OPA1: variants seen among roughly 807,000 people sequenced by gnomAD.
The protein encoded by OPA1 is OPA1 mitochondrial dynamin like GTPase.
Under a neutral mutation model 152.9 loss-of-function variants are expected in OPA1, and 59 were observed. That is an observed-to-expected ratio of 0.39 (90% CI 0.31 to 0.48). The LOEUF (loss-of-function observed/expected upper bound fraction) is 0.48, where lower values mean the gene tolerates loss of function less well. Ranked by LOEUF, OPA1 falls within the 20% of genes least tolerant of loss-of-function variation. The pLI is 0.96. For synonymous variants in OPA1, 400 were observed against 389.9 expected (o/e 1.03, Z -0.31); for missense variants, 1,008 against 1,216.8 (o/e 0.83, Z 2.55).
At chr3:193,645,457 A>G in intron 16 of OPA1, 96 bp from the exon 17 acceptor site, 1 of 823,490 alleles carries the variant, frequency 1.2e-6, no homozygotes, top group East Asian at 2.7e-5. Context: ...AACTATATAC[A>G]TGTATAGCAT....
At chr3:193,612,091 C>G (rs539233785) in intron 1 of OPA1, among the ~76,000 whole-genome samples, 5 of 152,152 alleles carry the variant, frequency 3.3e-5, no homozygotes, top group African/African-American at 9.6e-5. Flanking sequence ...AGTCCTGGAT[C>G]GTAAGCTCCT....
At chr3:193,624,309 A>G (rs1357474203) in intron 6 of OPA1, 1 of 152,212 alleles carries the variant, frequency 6.6e-6, no homozygotes, top group Non-Finnish European at 1.5e-5. Context: ...TAAGAAAGAA[A>G]TGTGGAATAT....
chr3:193,692,292 A>G (rs948840717), intron 30 of OPA1, among the ~76,000 whole-genome samples, 160 bp downstream of exon 30: 9 of 152,240 alleles, frequency 5.9e-5, no homozygotes, highest in Admixed American at 4.6e-4. Context: ...TCATTTGTAT[A>G]ACGTTGCTTT....
At chr3:193,647,981 A>G (rs1734963217) in intron 19 of OPA1, 89 bp from the exon 20 acceptor site, 1 of 891,988 alleles carries the variant, frequency 1.1e-6, no homozygotes, top group Non-Finnish European at 1.9e-6. Context: ...AAATTCAGTT[A>G]ATACAGAGGA....
chr3:193,675,661 A>G (rs1023728814), intron 29 of OPA1, among the ~76,000 whole-genome samples: 1 of 152,240 alleles, frequency 6.6e-6, no homozygotes, highest in African/African-American at 2.4e-5. Context: ...TTAATTGAGC[A>G]GAATAGAGGC....
chr3:193,596,942 G>A (rs1380306141), intron 1 of OPA1: 5 of 152,312 alleles, frequency 3.3e-5, no homozygotes, highest in Admixed American at 6.5e-5. Context: ...AACTAAAGAC[G>A]ACTTGTGAGT....
chr3:193,615,216 G>T (rs1728833437), intron 2 of OPA1, among the ~76,000 whole-genome samples, 175 bp downstream of exon 2: 1 of 152,198 alleles, frequency 6.6e-6, no homozygotes, highest in African/African-American at 2.4e-5. Context: ...TAGAATCTTA[G>T]TTATAATTAC....
At chr3:193,677,239 A>G (rs1719300902) in intron 29 of OPA1, among the ~76,000 whole-genome samples, 1 of 149,928 alleles carries the variant, frequency 6.7e-6, no homozygotes. Context: ...TATTGTGAAA[A>G]TACTCTTAAT....
At chr3:193,599,979 A>C (rs1220832104) in intron 1 of OPA1, among the ~76,000 whole-genome samples, 1 of 152,264 alleles carries the variant, frequency 6.6e-6, no homozygotes, top group East Asian at 1.9e-4. Context: ...AACACTCAGC[A>C]GTCTATGAGT....
Position 193,654,866 on chromosome 3 carries a change from GAAAT to G in OPA1, c.2018_2021del (p.Glu673AlafsTer14). On this transcript the variant is annotated frameshift_variant, in exon 22 of 31. Transcript: ENST00000361510. LOFTEE classifies it high-confidence loss of function. ...TTTGATACTTTTTTATTTCAGGGAG[GAAAT>G]CCTTCAACAATCTTTGTGGGAAAGA... The G allele has an allele frequency of 6.2e-7, 1 of 1,613,622 alleles. No homozygotes were observed. Among genetic ancestry groups the G allele is most frequent in the Non-Finnish European group, 8.5e-7 (1 of 1,179,782 alleles).
At chr3:193,626,251 A>G (rs1326913997) in intron 7 of OPA1, 49 bp downstream of exon 7, 4 of 1,308,072 alleles carry the variant, frequency 3.1e-6, no homozygotes, top group Non-Finnish European at 4.4e-6. Context: ...CTAATCAGCC[A>G]TTTCTGCCAA....
chr3:193,654,802 G>C, intron 21 of OPA1, 60 bp from the exon 22 acceptor site: 1 of 1,527,842 alleles, frequency 6.5e-7, no homozygotes, highest in South Asian at 1.2e-5. Flanking sequence ...CTTCAGTCAA[G>C]CTGTTTTTAA....
chr3:193,608,275 G>C (rs1727612329), intron 1 of OPA1, among the ~76,000 whole-genome samples: 1 of 152,074 alleles, frequency 6.6e-6, no homozygotes, highest in Non-Finnish European at 1.5e-5. Flanking sequence ...TGCTTCTCTA[G>C]TTCTTTTAAT....
At chr3:193,628,799 T>C (rs979370961) in intron 7 of OPA1, among the ~76,000 whole-genome samples, 16 of 152,246 alleles carry the variant, frequency 1.1e-4, no homozygotes, top group Non-Finnish European at 2.2e-4. Context: ...TAAGAAAATA[T>C]ATAAAAATTA....
intron 29 of OPA1, among the ~76,000 whole-genome samples, chr3:193,685,081 C>G (rs1720748776): frequency 6.6e-6 from 1 of 152,004 alleles, no homozygotes; most frequent in African/African-American, 2.4e-5. Flanking sequence ...GCAGGTGGAT[C>G]ACGAGGTCAG....
At chr3:193,625,992 C>G (rs184115665) in intron 6 of OPA1, 100 bp from the exon 7 acceptor site, 2 of 885,142 alleles carry the variant, frequency 2.3e-6, no homozygotes, top group East Asian at 4.8e-5. Context: ...TTTAAGTTAA[C>G]CATCCCTCCC....
chr3:193,601,071 T>C (rs535173808), intron 1 of OPA1, among the ~76,000 whole-genome samples: 8 of 152,320 alleles, frequency 5.3e-5, no homozygotes, highest in African/African-American at 1.9e-4. Flanking sequence ...TCGTTGAATA[T>C]GTATGTTGTC....
chr3:193,666,208 T>C (rs565447063), intron 27 of OPA1, 88 bp from the exon 28 acceptor site: 9 of 1,079,378 alleles, frequency 8.3e-6, no homozygotes, highest in Non-Finnish European at 1.1e-5. Context: ...TTAGGACATA[T>C]CTACTGGTTC....
At chr3:193,593,882 C>T (rs916899488) in intron 1 of OPA1, among the ~76,000 whole-genome samples, 24 of 152,076 alleles carry the variant, frequency 1.6e-4, no homozygotes, top group Non-Finnish European at 1.2e-4. Flanking sequence ...CTGGGCTCTT[C>T]TATCGGGGAA....
Sources: gnomAD v4.1 joint callset for allele counts (sites outside exome capture counted in the v4.1 genomes callset) on GRCh38, gnomAD v4.1.1 for gene constraint, MANE v1.5 for transcripts, NCBI Gene and HGNC (gene_info 2026-07-23, HGNC 2026-07-21) for gene names.